UBE2R2: variants seen among roughly 807,000 people sequenced by gnomAD.
UBE2R2 encodes the protein ubiquitin conjugating enzyme E2 R2, also known as ubiquitin-conjugating enzyme E2 R2.
A neutral mutation model predicts 27.8 loss-of-function variants in UBE2R2; 1 was observed. The observed-to-expected ratio is 0.04, with a 90% CI of 0.01 to 0.17. The LOEUF (loss-of-function observed/expected upper bound fraction) is 0.17. Among genes scored for constraint, UBE2R2 ranks in the 10% least tolerant of loss-of-function variants. The probability of loss-of-function intolerance (pLI) is 1.00; values close to 1 mark genes in which losing one functional copy is unlikely to be tolerated. For missense variants in UBE2R2, 100 were observed against 291.0 expected (o/e 0.34, Z 4.78); for synonymous variants, 106 against 113.3 (o/e 0.94, Z 0.41).
In UBE2R2 at chr9:33,877,823, G is replaced by GTCTCTCTCTCTCTCTCTCTCTCTCTC. The variant is rs1554675184; in HGVS notation, c.178-9057_178-9032dup. 1.4e-3 allele frequency among the ~76,000 whole-genome samples: 188 copies of GTCTCTCTCTCTCTCTCTCTCTCTCTC among 131,084 alleles called. 2 individuals carry two copies. Among genetic ancestry groups the GTCTCTCTCTCTCTCTCTCTCTCTCTC allele is most frequent in the Middle Eastern group, 3.7e-3 (1 of 270 alleles). The allele number at this position is 131,084 out of a possible 152,430, so 86.0% of individuals were successfully genotyped here. On this transcript the variant is annotated intron_variant, in intron 1 of 4. Coordinates refer to ENST00000263228, the MANE Select transcript of UBE2R2 (RefSeq NM_017811.4). ...TCTCTGTCTGTCTGTCTGTCTGTCT[G>GTCTCTCTCTCTCTCTCTCTCTCTCTC]TCTCTCTCTCTCTCTCTCTCTCTCT...
At chr9:33,857,094 G>T (rs1316871276) in intron 1 of UBE2R2, among the ~76,000 whole-genome samples, 1 of 151,410 alleles carries the variant, frequency 6.6e-6, no homozygotes, top group African/African-American at 2.4e-5. Context: ...ACTGGATTTT[G>T]CTGTGTTGGC....
chr9:33,817,031 G>A (rs1242578310), upstream of UBE2R2, among the ~76,000 whole-genome samples: 2 of 147,908 alleles, frequency 1.4e-5, no homozygotes, highest in Non-Finnish European at 1.5e-5. Flanking sequence ...GGTAGTGGAG[G>A]AGAGCCAGGC....
intron 2 of UBE2R2, among the ~76,000 whole-genome samples, chr9:33,898,567 T>G (rs1456738037): frequency 6.6e-6 from 1 of 152,230 alleles, no homozygotes; most frequent in Non-Finnish European, 1.5e-5. Flanking sequence ...ATTTTTGCAC[T>G]TTATATAGTT....
intron 1 of UBE2R2, among the ~76,000 whole-genome samples, chr9:33,857,678 T>C (rs1821140494): frequency 6.6e-6 from 1 of 152,232 alleles, no homozygotes; most frequent in African/African-American, 2.4e-5. Context: ...AAAGTCATAT[T>C]TAGTTATCTG....
chr9:33,905,412 C>T (rs115817787), intron 3 of UBE2R2, among the ~76,000 whole-genome samples: 31 of 152,254 alleles, frequency 2.0e-4, no homozygotes, highest in African/African-American at 7.2e-4. Context: ...AATTCTGGAA[C>T]AGTGTGGTTT....
intron 2 of UBE2R2, among the ~76,000 whole-genome samples, chr9:33,889,902 T>G (rs1452362751): frequency 1.0e-5 from 1 of 98,028 alleles, no homozygotes; most frequent in Admixed American, 9.9e-5. Context: ...CAGGCTGGTC[T>G]CTAACTCCTG....
intron 1 of UBE2R2, among the ~76,000 whole-genome samples, chr9:33,819,482 T>A (rs747025550): frequency 2.0e-5 from 3 of 152,204 alleles, no homozygotes; most frequent in Admixed American, 6.5e-5. Flanking sequence ...ACTTTTCAGA[T>A]GGAGGTATTT....
At chr9:33,850,431 T>C (rs1820940331) in intron 1 of UBE2R2, among the ~76,000 whole-genome samples, 1 of 152,114 alleles carries the variant, frequency 6.6e-6, no homozygotes, top group Non-Finnish European at 1.5e-5. Flanking sequence ...CCTGTAACCA[T>C]TCTTCATTCC....
chr9:33,831,351 A>C (rs34022278), intron 1 of UBE2R2, among the ~76,000 whole-genome samples: 10,324 of 152,300 alleles, frequency 0.068, 492 homozygotes, highest in Non-Finnish European at 0.099. Context: ...TACCTGATAT[A>C]TGCAATAAGG....
chr9:33,905,733 C>T (rs895234751), intron 3 of UBE2R2, among the ~76,000 whole-genome samples: 5 of 152,176 alleles, frequency 3.3e-5, no homozygotes, highest in Admixed American at 3.3e-4. Flanking sequence ...GTCATGATGT[C>T]CTCTTTAAAT....
chr9:33,828,044 T>G (rs1054409506), intron 1 of UBE2R2, among the ~76,000 whole-genome samples: 5 of 151,764 alleles, frequency 3.3e-5, no homozygotes, highest in African/African-American at 1.2e-4. Context: ...AGAGGCTCAC[T>G]GTAGTCCCAG....
At chr9:33,842,921 TC>T (rs1342042904) in intron 1 of UBE2R2, among the ~76,000 whole-genome samples, 2 of 150,924 alleles carry the variant, frequency 1.3e-5, no homozygotes, top group Admixed American at 6.6e-5. Context: ...TGCCTGTAGT[TC>T]CAGCTACTTG....
chr9:33,818,948 A>ATTT (rs200206743), intron 1 of UBE2R2, among the ~76,000 whole-genome samples: 1 of 151,074 alleles, frequency 6.6e-6, no homozygotes, highest in Non-Finnish European at 1.5e-5. Context: ...GAATCTAATG[A>ATTT]TTTTTTTTTA....
intron 1 of UBE2R2, among the ~76,000 whole-genome samples, chr9:33,871,989 G>T (rs1242877981): frequency 6.6e-6 from 1 of 152,108 alleles, no homozygotes. Context: ...TGGCATTACA[G>T]GTGTGAGCCA....
chr9:33,846,029 G>A (rs1365633737), intron 1 of UBE2R2, among the ~76,000 whole-genome samples: 1 of 151,968 alleles, frequency 6.6e-6, no homozygotes. Flanking sequence ...GGGAGGCTGA[G>A]GCAGGAAAAT....
intron 1 of UBE2R2, among the ~76,000 whole-genome samples, chr9:33,837,438 T>G (rs1298471199): frequency 6.7e-6 from 1 of 149,852 alleles, no homozygotes; most frequent in East Asian, 2.0e-4. Flanking sequence ...TTTTTTTTTT[T>G]GAGACAGGGT....
chr9:33,883,391 T>C (rs1821775799), intron 1 of UBE2R2, among the ~76,000 whole-genome samples: 1 of 152,060 alleles, frequency 6.6e-6, no homozygotes, highest in Non-Finnish European at 1.5e-5. Flanking sequence ...CAGCTATAAA[T>C]TGGGATTTCC....
At chr9:33,903,148 A>G (rs1207715296) in intron 3 of UBE2R2, among the ~76,000 whole-genome samples, 3 of 152,178 alleles carry the variant, frequency 2.0e-5, no homozygotes, top group African/African-American at 4.8e-5. Context: ...ACTCAAGAGT[A>G]TGTTTGAGGG....
At chr9:33,863,948 G>A (rs1158944453) in intron 1 of UBE2R2, among the ~76,000 whole-genome samples, 3 of 152,140 alleles carry the variant, frequency 2.0e-5, no homozygotes, top group African/African-American at 7.2e-5. Context: ...AGCCTGCTGA[G>A]TAGCTGGGAT....
Sources: gnomAD v4.1 joint callset for allele counts (sites outside exome capture counted in the v4.1 genomes callset) on GRCh38, gnomAD v4.1.1 for gene constraint, MANE v1.5 for transcripts, NCBI Gene and HGNC (gene_info 2026-07-23, HGNC 2026-07-21) for gene names.